The following CXXC4 variants were observed in gnomAD, a reference collection of about 807,000 sequenced individuals.
CXXC4 encodes the protein CXXC-type zinc finger protein 4.
A neutral mutation model predicts 20.5 loss-of-function variants in CXXC4; 5 were observed. The ratio of observed to expected loss-of-function variants is 0.24; its 90% CI spans 0.13 to 0.51. CXXC4 has a LOEUF of 0.51. CXXC4 is among the 20% of genes least tolerant of loss of function. The probability of loss-of-function intolerance (pLI) is 0.97; values close to 1 mark genes in which losing one functional copy is unlikely to be tolerated. For missense variants in CXXC4, 419 were observed against 496.4 expected, an observed-to-expected ratio of 0.84 and a Z score of 1.48; for synonymous variants, 250 against 216.4, an observed-to-expected ratio of 1.16 and a Z score of -1.36.
At chr4:104,480,354 C>A (rs1034282464) in intron 2 of CXXC4, among the ~76,000 whole-genome samples, 2 of 152,002 alleles carry the variant, frequency 1.3e-5, no homozygotes, top group African/African-American at 4.8e-5. Flanking sequence ...TTTTTATATG[C>A]ACGATTCTGT....
At chr4:104,487,567 A>C (rs2110277694) in intron 2 of CXXC4, among the ~76,000 whole-genome samples, 1 of 152,354 alleles carries the variant, frequency 6.6e-6, no homozygotes, top group African/African-American at 2.4e-5. Flanking sequence ...AGGATCTCCT[A>C]TATGATCACG....
In CXXC4 at chr4:104,469,354, TATCCACGCCTAGGGAGGACAAG is replaced by T. The variant is rs1451277541; in HGVS notation, c.*2946_*2967del. 6.6e-6 allele frequency: 1 copy of T among 152,092 alleles called. No homozygotes were observed. The highest frequency in any genetic ancestry group is 1.5e-5 in the Non-Finnish European group (1 of 67,996). The allele number at this position is 152,092 out of a possible 1,614,324, so 9.4% of individuals were successfully genotyped here. On this transcript the variant is annotated 3_prime_UTR_variant, in exon 3 of 3. Coordinates refer to ENST00000394767, the MANE Select transcript of CXXC4 (RefSeq NM_025212.4). Reference sequence around the variant, plus strand: ...ATGCTGGCAGATTATGGCATCTCTCTATCCACGCCTAGGGAGGACAAGATCCTGTGTGCGTAGACCACTCTTA... The same window carrying T: ...ATGCTGGCAGATTATGGCATCTCTCTATCCTGTGTGCGTAGACCACTCTTA...
intron 2 of CXXC4, among the ~76,000 whole-genome samples, chr4:104,488,750 A>T (rs1469599340): frequency 6.6e-6 from 1 of 152,224 alleles, no homozygotes; most frequent in African/African-American, 2.4e-5. Context: ...AAAAGCATCA[A>T]ATTAAAAAAT....
Position 104,491,810 on chromosome 4 carries a change from G to A in CXXC4, c.-8C>T. 1 of 1,444,630 alleles carries A rather than the reference G, an allele frequency of 6.9e-7. No individual in the cohort carries two copies. The highest frequency in any genetic ancestry group is 9.2e-7 in the Non-Finnish European group (1 of 1,091,254). 89.5% of individuals were successfully genotyped at this position (1,444,630 alleles called of 1,614,324 possible). A position where few individuals can be genotyped will look rare whatever the true frequency, so the allele number is the denominator to read the frequency against. On this transcript the variant is annotated 5_prime_UTR_variant, in exon 2 of 3. Transcript: ENST00000394767. ...GCAGACATTGGTGTTCATGGTGCAG[G>A]GGGGGAAGAAGGGGTGCAGGGTGGA...
rs751182915 is a variant in CXXC4 at position 104,491,757 on chromosome 4, G to C, written c.46C>G (p.Pro16Ala). ...CVEPGPSPEA[P>A]GLPKESHLPE... ...AAGTGGCTTTCCTTGGGCAAGCCCG[G>C]GGCCTCCGGGCTCGGCCCGGGCTCC... The change falls in exon 2 of 3, where the codon CCG becomes GCG. Residue 16 changes from proline to alanine, a missense_variant. Coordinates refer to ENST00000394767, the MANE Select transcript of CXXC4 (RefSeq NM_025212.4). 1.3e-6 allele frequency: 2 copies of C among 1,534,240 alleles called. No individual in the cohort carries two copies. The highest frequency in any genetic ancestry group is 1.8e-6 in the Non-Finnish European group (2 of 1,139,432).
chr4:104,491,761 C>G lies in CXXC4; in HGVS notation c.42G>C (p.Glu14Asp). 2.0e-6 allele frequency: 3 copies of G among 1,533,270 alleles called. No homozygotes were observed. Among genetic ancestry groups the G allele is most frequent in the Non-Finnish European group, 2.6e-6 (3 of 1,138,888 alleles). The allele number at this position is 1,533,270 out of a possible 1,614,324, so 95.0% of individuals were successfully genotyped here. Residue 14 changes from glutamate to aspartate, a missense_variant, in exon 2 of 3, where the codon GAG (glutamate) becomes GAC (aspartate). Around this residue, in one of 3 missense-constraint regions of CXXC4, gnomAD observed 388 missense variants for 416.0 expected, o/e 0.93. Coordinates refer to ENST00000394767, the MANE Select transcript of CXXC4 (RefSeq NM_025212.4). ...GGCTTTCCTTGGGCAAGCCCGGGGC[C>G]TCCGGGCTCGGCCCGGGCTCCACGC... is the stretch of plus-strand genomic sequence containing the variant. ...NVCVEPGPSP[E>D]APGLPKESHL...
chr4:104,484,127 C>A (rs760200083), intron 2 of CXXC4, among the ~76,000 whole-genome samples: 1 of 151,904 alleles, frequency 6.6e-6, no homozygotes, highest in Non-Finnish European at 1.5e-5. Flanking sequence ...AATACAGTTG[C>A]CTTATTCTCC....
intron 2 of CXXC4, among the ~76,000 whole-genome samples, chr4:104,478,029 G>A (rs1176045396): frequency 1.3e-5 from 2 of 152,084 alleles, no homozygotes; most frequent in Admixed American, 6.6e-5. Context: ...TAATTTTTAT[G>A]ACATAACTTT....
chr4:104,474,695 T>C (rs1736359564), intron 2 of CXXC4, among the ~76,000 whole-genome samples: 1 of 152,088 alleles, frequency 6.6e-6, no homozygotes, highest in African/African-American at 2.4e-5. Flanking sequence ...TATGTGTATA[T>C]GTATGACACA....
chr4:104,494,221 A>C (rs1007125006), intron 1 of CXXC4, among the ~76,000 whole-genome samples: 1 of 152,244 alleles, frequency 6.6e-6, no homozygotes, highest in African/African-American at 2.4e-5. Context: ...CTATAGTTCT[A>C]TGCCAAAGCT....
chr4:104,486,176 C>A (rs1007051756), intron 2 of CXXC4, among the ~76,000 whole-genome samples: 1 of 151,868 alleles, frequency 6.6e-6, no homozygotes, highest in Admixed American at 6.6e-5. Context: ...GTTGGATGGG[C>A]GAGGGTACTG....
At chr4:104,489,455 A>C (rs966023573) in intron 2 of CXXC4, among the ~76,000 whole-genome samples, 1 of 152,174 alleles carries the variant, frequency 6.6e-6, no homozygotes, top group Non-Finnish European at 1.5e-5. Flanking sequence ...TCCTCTAAGC[A>C]GTACTCACAA....
rs1736886627 is a variant in CXXC4 at position 104,491,756 on chromosome 4, G to A, written c.47C>T (p.Pro16Leu). The A allele has an allele frequency of 1.3e-6, 2 of 1,533,062 alleles. No individual in the cohort carries two copies. The highest frequency in any genetic ancestry group is 2.6e-5 in the East Asian group (1 of 39,022). The allele number at this position is 1,533,062 out of a possible 1,614,324, so 95.0% of individuals were successfully genotyped here. A position where few individuals can be genotyped will look rare whatever the true frequency, so the allele number is the denominator to read the frequency against. Residue 16 changes from proline (P) to leucine (L), a missense_variant, in exon 2 of 3, where the codon CCG (proline) becomes CTG (leucine). Pro to Leu is a moderately conservative substitution (Grantham distance 98). This residue lies in a region of CXXC4 where 388 missense variants were observed against 416.0 expected (regional missense o/e 0.93). Transcript: ENST00000394767. ...CAAGTGGCTTTCCTTGGGCAAGCCCGGGGCCTCCGGGCTCGGCCCGGGCTC... is the reference window on the plus strand; with the variant it reads ...CAAGTGGCTTTCCTTGGGCAAGCCCAGGGCCTCCGGGCTCGGCCCGGGCTC... ...CVEPGPSPEA[P>L]GLPKESHLPE...
chr4:104,482,406 C>T (rs990385479), intron 2 of CXXC4, among the ~76,000 whole-genome samples: 4 of 152,126 alleles, frequency 2.6e-5, no homozygotes, highest in African/African-American at 7.2e-5. Flanking sequence ...GTTCTCTCTT[C>T]TTTTTCACGG....
Position 104,471,266 on chromosome 4 carries a change from G to A in CXXC4, c.*1056C>T, listed in dbSNP as rs1736266770. The A allele has an allele frequency of 6.6e-6, 1 of 151,920 alleles. No homozygotes were observed. The highest frequency in any genetic ancestry group is 2.4e-5 in the African/African-American group (1 of 41,388). 9.4% of individuals were successfully genotyped at this position (151,920 alleles called of 1,614,324 possible). On this transcript the variant is annotated 3_prime_UTR_variant, in exon 3 of 3. Transcript: ENST00000394767. ...CTACCCATTTAATATCATACATGAA[G>A]TTAAAACATTGGGGTAGTTTTTATT...
At chr4:104,479,405 G>A (rs952993276) in intron 2 of CXXC4, among the ~76,000 whole-genome samples, 5 of 151,926 alleles carry the variant, frequency 3.3e-5, no homozygotes, top group Non-Finnish European at 5.9e-5. Context: ...TTATAGTTCT[G>A]AGATCTGATA....
Position 104,491,808 on chromosome 4 carries a change from AG to A in CXXC4, c.-7del. The A allele has an allele frequency of 2.0e-5, 25 of 1,266,650 alleles. No individual in the cohort carries two copies. The highest frequency in any genetic ancestry group is 9.5e-5 in the East Asian group (2 of 21,060). The allele number at this position is 1,266,650 out of a possible 1,614,324, so 78.5% of individuals were successfully genotyped here. ...ACGCAGACATTGGTGTTCATGGTGC[AG>A]GGGGGGAAGAAGGGGTGCAGGGTGG... On this transcript the variant is annotated 5_prime_UTR_variant, in exon 2 of 3. Transcript: ENST00000394767.
intron 2 of CXXC4, among the ~76,000 whole-genome samples, chr4:104,487,536 G>GTTA (rs1232736811): frequency 2.0e-5 from 3 of 152,156 alleles, no homozygotes; most frequent in Non-Finnish European, 4.4e-5. Flanking sequence ...GAGACAAAGT[G>GTTA]TTATCATGTA....
intron 2 of CXXC4, among the ~76,000 whole-genome samples, chr4:104,488,107 G>T (rs979849133): frequency 9.2e-5 from 14 of 152,260 alleles, no homozygotes; most frequent in Middle Eastern, 6.8e-3. Context: ...GATGTTAATT[G>T]GCACCCATAA....
Sources: gnomAD v4.1 joint callset for allele counts (sites outside exome capture counted in the v4.1 genomes callset) on GRCh38, gnomAD v4.1.1 for gene constraint, gnomAD v4.1.1 regional missense constraint, MANE v1.5 for transcripts, NCBI Gene and HGNC (gene_info 2026-07-23, HGNC 2026-07-21) for gene names.